Variants in FOXA2 observed in about 807,000 individuals in gnomAD.
The protein encoded by FOXA2 is hepatocyte nuclear factor 3-beta.
In FOXA2, 9 loss-of-function variants were observed where a neutral mutation model predicts 33.3. The ratio of observed to expected loss-of-function variants is 0.27; its 90% CI spans 0.16 to 0.47. The LOEUF (loss-of-function observed/expected upper bound fraction) is 0.47. FOXA2 is among the 20% of genes least tolerant of loss of function. The probability of loss-of-function intolerance (pLI) is 0.99; values close to 1 mark genes in which losing one functional copy is unlikely to be tolerated. For synonymous variants in FOXA2, 329 were observed against 289.4 expected (o/e 1.14, Z -1.39); for missense variants, 704 against 659.9 (o/e 1.07, Z -0.73).
upstream of FOXA2, among the ~76,000 whole-genome samples, chr20:22,584,786 C>T (rs1456146619): frequency 5.9e-5 from 9 of 152,012 alleles, no homozygotes; most frequent in Non-Finnish European, 1.2e-4. Context: ...CGCGCTGGCG[C>T]GGGCCTCCAA....
chr20:22,584,226 G>C lies in FOXA2; in HGVS notation c.53C>G (p.Pro18Arg), dbSNP rs1984687817. ...LGAVKMEGHE[P>R]SDWSSYYAEP... is the part of the protein sequence containing the mutation. ...TGCATAGTAGCTGCTCCAGTCGGAC[G>C]GCTCGTGCCCTTCCATCTTCACCGC... The change falls in exon 1 of 2, where the codon CCG (proline) becomes CGG (arginine). Residue 18 changes from proline to arginine, a missense_variant. This residue lies in a region of FOXA2 where 304 missense variants were observed against 251.7 expected (regional missense o/e 1.21). Coordinates refer to ENST00000419308, the MANE Select transcript of FOXA2 (RefSeq NM_021784.5). 1.2e-6 allele frequency: 2 copies of C among 1,613,998 alleles called. No homozygotes were observed. Among genetic ancestry groups the C allele is most frequent in the Non-Finnish European group, 1.7e-6 (2 of 1,180,004 alleles).
In FOXA2 at chr20:22,582,120, G is replaced by T. The variant is rs1277972376; in HGVS notation, c.1122C>A (p.His374Gln). 6.3e-7 allele frequency: 1 copy of T among 1,599,772 alleles called. No individual in the cohort carries two copies. Among genetic ancestry groups the T allele is most frequent in the Non-Finnish European group, 8.5e-7 (1 of 1,172,676 alleles). The change falls in exon 2 of 2, where the codon CAC (histidine) becomes CAA (glutamine). Residue 374 changes from histidine (H) to glutamine (Q), a missense_variant. By Grantham distance (24) the His-to-Gln change is conservative. Transcript: ENST00000419308. The part of the protein sequence containing the change: ...LPPEAHLKPE[H>Q]HYAFNHPFSI... The stretch of plus-strand genomic sequence containing the variant: ...AGAACGGGTGGTTGAAGGCGTAGTG[G>T]TGTTCCGGCTTCAGGTGGGCCTCAG...
In FOXA2 at chr20:22,582,812, C is replaced by G. The variant is rs755715343; in HGVS notation, c.430G>C (p.Gly144Arg). The change falls in exon 2 of 2, where the codon GGG becomes CGG. Residue 144 changes from glycine (G) to arginine (R), a missense_variant. Coordinates refer to ENST00000419308, the MANE Select transcript of FOXA2 (RefSeq NM_021784.5). ...CGGGCGCGGCTCAGGCCCGCCTGCC[C>G]GTACATGGGGCTCATGGAGTTCATG... ...ANMNSMSPMY[G>R]QAGLSRARDP... The G allele has an allele frequency of 1.5e-5, 24 of 1,613,042 alleles. No individual in the cohort carries two copies. The highest frequency in any genetic ancestry group is 4.5e-5 in the East Asian group (2 of 44,804).
upstream of FOXA2, among the ~76,000 whole-genome samples, chr20:22,584,997 C>T (rs1428089782): frequency 6.6e-6 from 1 of 152,018 alleles, no homozygotes; most frequent in African/African-American, 2.4e-5. Flanking sequence ...CCTTTCCTCC[C>T]GGGTCCACAG....
Position 22,583,039 on chromosome 20 carries a change from G to T in FOXA2, c.203C>A (p.Ser68Tyr), listed in dbSNP as rs1984642348. The change falls in exon 2 of 2, where the codon TCC becomes TAC. Residue 68 changes from serine to tyrosine, a missense_variant. By Grantham distance (144) the Ser-to-Tyr change is moderately radical. This residue lies in a region of FOXA2 where 304 missense variants were observed against 251.7 expected (regional missense o/e 1.21). Transcript: ENST00000419308. ...GCCCACGTACGACGACATGTTCATG[G>T]AGCCCGCGCTCATGTTGCCCGAGCC... Reference protein sequence around the residue: ...GSGSGNMSAGSMNMSSYVGAG... With the variant: ...GSGSGNMSAGYMNMSSYVGAG... The T allele has an allele frequency of 6.2e-7, 1 of 1,609,968 alleles. No individual in the cohort carries two copies. Among genetic ancestry groups the T allele is most frequent in the Admixed American group, 1.7e-5 (1 of 60,000 alleles).
chr20:22,584,672 T>TGGAGGAGAAGGAGGAGGAGGAGGA (rs1325551283), upstream of FOXA2, among the ~76,000 whole-genome samples: 1 of 34,406 alleles, frequency 2.9e-5, no homozygotes, highest in African/African-American at 1.2e-4. Flanking sequence ...GTGGTGGTGG[T>TGGAGGAGAAGGAGGAGGAGGAGGA]GGAGGAGGAG....
In FOXA2 at chr20:22,582,802, C is replaced by T; in HGVS notation, c.440G>A (p.Gly147Asp). ...NSMSPMYGQA[G>D]LSRARDPKTY... ...CTTGGGGTCGCGGGCGCGGCTCAGG[C>T]CCGCCTGCCCGTACATGGGGCTCAT... Residue 147 changes from glycine to aspartate, a missense_variant, in exon 2 of 2, where the codon GGC (glycine) becomes GAC (aspartate). Physicochemically the swap from Gly to Asp is moderately conservative, Grantham distance 94 (BLOSUM62 -1). Around this residue, in one of 5 missense-constraint regions of FOXA2, gnomAD observed 304 missense variants for 251.7 expected, o/e 1.21. Coordinates refer to ENST00000419308, the MANE Select transcript of FOXA2 (RefSeq NM_021784.5). The T allele has an allele frequency of 6.2e-7, 1 of 1,613,584 alleles. No homozygotes were observed. The highest frequency in any genetic ancestry group is 8.5e-7 in the Non-Finnish European group (1 of 1,179,732).
chr20:22,584,105 G>C (rs1480773354), intron 1 of FOXA2, 87 bp downstream of exon 1: 8 of 1,302,336 alleles, frequency 6.1e-6, no homozygotes, highest in Non-Finnish European at 8.9e-6. Flanking sequence ...GCGGGGTGGG[G>C]GGGTGCCAGC....
rs1984629676 is a variant in FOXA2 at position 22,582,874 on chromosome 20, G to T, written c.368C>A (p.Ala123Glu). The T allele has an allele frequency of 6.3e-7, 1 of 1,576,598 alleles. No individual in the cohort carries two copies. Among genetic ancestry groups the T allele is most frequent in the Non-Finnish European group, 8.6e-7 (1 of 1,164,104 alleles). ...GGCCAGGCCGCCCATGGCCCCGGCC[G>T]CCTGCCCCCCGAGCGGGCTCAGGCT... is the stretch of plus-strand genomic sequence containing the variant. ...SPSLSPLGGQ[A>E]AGAMGGLAPY... is the part of the protein sequence containing the mutation. Residue 123 changes from alanine (A) to glutamate (E), a missense_variant, in exon 2 of 2, where the codon GCG becomes GAG. Coordinates refer to ENST00000419308, the MANE Select transcript of FOXA2 (RefSeq NM_021784.5).
In FOXA2 at chr20:22,583,070, C is replaced by G; in HGVS notation, c.172G>C (p.Gly58Arg). Residue 58 changes from glycine (G) to arginine (R), a missense_variant, in exon 2 of 2, where the codon GGC becomes CGC. By Grantham distance (125) the Gly-to-Arg change is moderately radical (BLOSUM62 -2). Coordinates refer to ENST00000419308, the MANE Select transcript of FOXA2 (RefSeq NM_021784.5). ...GCGCTCATGTTGCCCGAGCCGCTGC[C>G]CATGGCGGCCGCCGACATGCTCATG... ...TYMSMSAAAM[G>R]SGSGNMSAGS... 3 of 1,609,858 alleles carry G rather than the reference C, an allele frequency of 1.9e-6. No individual in the cohort carries two copies. The highest frequency in any genetic ancestry group is 2.5e-6 in the Non-Finnish European group (3 of 1,179,804).
rs200275849 is a variant in FOXA2 at position 22,583,059 on chromosome 20, C to T, written c.183G>A (p.Ser61=). The T allele has an allele frequency of 2.8e-5, 45 of 1,609,692 alleles. No homozygotes were observed. Among genetic ancestry groups the T allele is most frequent in the Admixed American group, 6.7e-5 (4 of 60,010 alleles). ...SMSAAAMGSG[S]GNMSAGSMNM... is the part of the protein sequence containing the mutation. ...TCATGGAGCCCGCGCTCATGTTGCC[C>T]GAGCCGCTGCCCATGGCGGCCGCCG... Residue 61 remains serine, a synonymous_variant, in exon 2 of 2, where the codon TCG becomes TCA. Coordinates refer to ENST00000419308, the MANE Select transcript of FOXA2 (RefSeq NM_021784.5).
intron 1 of FOXA2, among the ~76,000 whole-genome samples, chr20:22,583,694 C>T (rs1258042571): frequency 6.6e-6 from 1 of 152,184 alleles, no homozygotes; most frequent in Non-Finnish European, 1.5e-5. Flanking sequence ...GTGCGGAGTG[C>T]GGGGGCGGCT....
At position 22,581,814 on chromosome 20, in the gene FOXA2, G is replaced by C. The variant is rs766284272; in HGVS notation, c.*36C>G. On this transcript the variant is annotated 3_prime_UTR_variant, in exon 2 of 2. Coordinates refer to ENST00000419308, the MANE Select transcript of FOXA2 (RefSeq NM_021784.5). ...CTCTCTCACTTGTCCTCGATCCGGG[G>C]TGCCAGAGTTAGCCGGGCCTGAAGC... The C allele has an allele frequency of 1.3e-6, 2 of 1,593,644 alleles. No individual in the cohort carries two copies. The highest frequency in any genetic ancestry group is 2.7e-5 in the African/African-American group (2 of 74,480).
rs1600432797 is a variant in FOXA2 at position 22,582,090 on chromosome 20, G to A, written c.1152C>T (p.Ile384=). ...GCTGCTCCGAGGACATGAGGTTGTT[G>A]ATGGAGAACGGGTGGTTGAAGGCGT... ...HHYAFNHPFS[I]NNLMSSEQQH... Residue 384 remains isoleucine (I), a synonymous_variant, in exon 2 of 2, where the codon ATC becomes ATT. Transcript: ENST00000419308. 5.6e-6 allele frequency: 9 copies of A among 1,613,140 alleles called. No homozygotes were observed. The highest frequency in any genetic ancestry group is 1.3e-5 in the African/African-American group (1 of 75,058).
chr20:22,584,785 G>T (rs1568718127), upstream of FOXA2, among the ~76,000 whole-genome samples: 1 of 152,036 alleles, frequency 6.6e-6, no homozygotes, highest in African/African-American at 2.4e-5. Context: ...GCGCGCTGGC[G>T]CGGGCCTCCA....
Position 22,584,225 on chromosome 20 carries a change from C to G in FOXA2, c.54G>C (p.Pro18=), listed in dbSNP as rs1264462756. 6.2e-7 allele frequency: 1 copy of G among 1,613,978 alleles called. No individual in the cohort carries two copies. The highest frequency in any genetic ancestry group is 8.5e-7 in the Non-Finnish European group (1 of 1,179,988). ...CTGCATAGTAGCTGCTCCAGTCGGA[C>G]GGCTCGTGCCCTTCCATCTTCACCG... ...LGAVKMEGHE[P]SDWSSYYAEP... The change falls in exon 1 of 2, where the codon CCG becomes CCC. Residue 18 remains proline, a synonymous_variant. Transcript: ENST00000419308.
chr20:22,585,107 C>A (rs1568718317), upstream of FOXA2, among the ~76,000 whole-genome samples: 1 of 152,194 alleles, frequency 6.6e-6, no homozygotes, highest in African/African-American at 2.4e-5. Flanking sequence ...GCGCCCGGTG[C>A]GCCTGTCGGA....
Position 22,584,198 on chromosome 20 carries a change from C to A in FOXA2, c.81G>T (p.Glu27Asp). 1.2e-6 allele frequency: 2 copies of A among 1,613,874 alleles called. No individual in the cohort carries two copies. The highest frequency in any genetic ancestry group is 4.5e-5 in the East Asian group (2 of 44,840). ...GGAAAAGACGAGCGCTTACCTCGGG[C>A]TCTGCATAGTAGCTGCTCCAGTCGG... ...EPSDWSSYYA[E>D]PEGYSSVSNM... is the part of the protein sequence containing the mutation. The change falls in exon 1 of 2, where the codon GAG becomes GAT. Residue 27 changes from glutamate to aspartate, a missense_variant. Physicochemically the swap from Glu to Asp is conservative, Grantham distance 45. This residue lies in a region of FOXA2 where 304 missense variants were observed against 251.7 expected (regional missense o/e 1.21). Coordinates refer to ENST00000419308, the MANE Select transcript of FOXA2 (RefSeq NM_021784.5).
Position 22,582,158 on chromosome 20 carries a change from G to A in FOXA2, c.1084C>T (p.Pro362Ser). The A allele has an allele frequency of 6.4e-7, 1 of 1,564,436 alleles. No homozygotes were observed. Among genetic ancestry groups the A allele is most frequent in the Middle Eastern group, 1.7e-4 (1 of 5,996 alleles). Reference protein sequence around the residue: ...AAHLLGPPHHPGLPPEAHLKP... With the variant: ...AAHLLGPPHHSGLPPEAHLKP... ...AGGTGGGCCTCAGGCGGCAGGCCCGGGTGGTGGGGCGGGCCCAGCAGGTGG... is the reference window on the plus strand; with the variant it reads ...AGGTGGGCCTCAGGCGGCAGGCCCGAGTGGTGGGGCGGGCCCAGCAGGTGG... Residue 362 changes from proline (P) to serine (S), a missense_variant, in exon 2 of 2, where the codon CCG becomes TCG. This residue lies in a region of FOXA2 where 343 missense variants were observed against 274.8 expected (regional missense o/e 1.25). Coordinates refer to ENST00000419308, the MANE Select transcript of FOXA2 (RefSeq NM_021784.5).
Sources: allele counts gnomAD v4.1 joint callset (sites outside exome capture counted in the v4.1 genomes callset), GRCh38; gene constraint gnomAD v4.1.1; regional missense constraint gnomAD v4.1.1; transcripts MANE v1.5; gene names NCBI Gene and HGNC (gene_info 2026-07-23, HGNC 2026-07-21).